Variants in COX7B2 observed in about 807,000 individuals in gnomAD.
The protein encoded by COX7B2 is cytochrome c oxidase subunit 7B2, also known as cytochrome c oxidase subunit 7B2, mitochondrial.
For synonymous variants in COX7B2, 37 were observed against 32.1 expected (o/e 1.15, Z -0.51); for missense variants, 109 against 95.9 (o/e 1.14, Z -0.57).
At chr4:46,802,377 T>C (rs1185898951) in intron 2 of COX7B2, among the ~76,000 whole-genome samples, 1 of 152,164 alleles carries the variant, frequency 6.6e-6, no homozygotes, top group Non-Finnish European at 1.5e-5. Context: ...TCTTTTGATA[T>C]GGCAAGAACT....
chr4:46,860,291 G>A (rs1304660035), intron 1 of COX7B2, among the ~76,000 whole-genome samples: 1 of 152,180 alleles, frequency 6.6e-6, no homozygotes, highest in Non-Finnish European at 1.5e-5. Flanking sequence ...CTGAAGAGCT[G>A]TAAAACCAGT....
Position 46,892,807 on chromosome 4 carries a change from C to T in COX7B2, c.-105+16353G>A, listed in dbSNP as rs182642661. On this transcript the variant is annotated intron_variant, in intron 1 of 2. Transcript: ENST00000355591. ...GGTTTCGCTGTGTCCCCACCCAAAT[C>T]TCATCTTGAGTTGTAGTTCCCATAA... is the stretch of plus-strand genomic sequence containing the variant. Among the ~76,000 whole-genome samples the T allele has an allele frequency of 1.7e-3, 263 of 152,300 alleles. 3 individuals are homozygous for T. Among genetic ancestry groups the T allele is most frequent in the African/African-American group, 6.1e-3 (253 of 41,560 alleles).
At chr4:46,737,636 T>A (rs1003375359) in intron 2 of COX7B2, among the ~76,000 whole-genome samples, 42 of 152,152 alleles carry the variant, frequency 2.8e-4, no homozygotes, top group African/African-American at 9.9e-4. Flanking sequence ...ATTATTTTAT[T>A]TCTTAGATAG....
chr4:46,814,243 G>T (rs953154114), intron 2 of COX7B2, among the ~76,000 whole-genome samples: 1 of 152,166 alleles, frequency 6.6e-6, no homozygotes, highest in Non-Finnish European at 1.5e-5. Context: ...GTTTGTCATT[G>T]AACACCAAAC....
intron 2 of COX7B2, among the ~76,000 whole-genome samples, chr4:46,762,472 A>G (rs1716243793): frequency 1.4e-5 from 2 of 139,704 alleles, no homozygotes; most frequent in African/African-American, 5.2e-5. Context: ...TATATGTACT[A>G]TATATACTAT....
chr4:46,837,282 C>A (rs1469452218), intron 2 of COX7B2, among the ~76,000 whole-genome samples: 1 of 143,940 alleles, frequency 6.9e-6, no homozygotes, highest in African/African-American at 2.7e-5. Flanking sequence ...CATACACACA[C>A]ACACACACAC....
At chr4:46,751,994 T>C (rs1715413016) in intron 2 of COX7B2, among the ~76,000 whole-genome samples, 1 of 152,182 alleles carries the variant, frequency 6.6e-6, no homozygotes, top group Non-Finnish European at 1.5e-5. Context: ...ATTGAATCTA[T>C]AAGTTACCTT....
intron 1 of COX7B2, among the ~76,000 whole-genome samples, chr4:46,874,993 T>C (rs142912804): frequency 1.9e-4 from 29 of 152,298 alleles, no homozygotes; most frequent in Non-Finnish European, 4.0e-4. Context: ...GTACTGCTTA[T>C]TAAAAATGCT....
intron 2 of COX7B2, among the ~76,000 whole-genome samples, chr4:46,790,495 C>A (rs374857180): frequency 6.6e-6 from 1 of 152,120 alleles, no homozygotes; most frequent in South Asian, 2.1e-4. Context: ...TATTGCTGGG[C>A]TTATCTTATT....
intron 2 of COX7B2, among the ~76,000 whole-genome samples, chr4:46,832,500 G>A (rs1378364775): frequency 6.6e-6 from 1 of 152,156 alleles, no homozygotes; most frequent in Non-Finnish European, 1.5e-5. Context: ...GCAAAAACCA[G>A]TTCCATAGGC....
At chr4:46,905,799 G>A (rs919481537) in intron 1 of COX7B2, among the ~76,000 whole-genome samples, 1 of 138,278 alleles carries the variant, frequency 7.2e-6, no homozygotes, top group African/African-American at 2.7e-5. Context: ...TACCATCTCT[G>A]ATAAGCATAT....
chr4:46,832,689 C>T (rs539684300), intron 2 of COX7B2, among the ~76,000 whole-genome samples: 30 of 152,106 alleles, frequency 2.0e-4, no homozygotes, highest in African/African-American at 6.3e-4. Context: ...TTAGTACCAT[C>T]CTCTTGATGA....
intron 1 of COX7B2, among the ~76,000 whole-genome samples, chr4:46,890,923 A>G (rs1004878413): frequency 3.9e-5 from 6 of 152,332 alleles, no homozygotes; most frequent in East Asian, 1.9e-4. Flanking sequence ...CATGTGTAAA[A>G]CATAACTAAA....
intron 1 of COX7B2, among the ~76,000 whole-genome samples, chr4:46,873,393 C>T (rs553042316): frequency 3.9e-5 from 6 of 152,218 alleles, no homozygotes; most frequent in Admixed American, 1.3e-4. Context: ...CTTGAGGAAT[C>T]GCCACACTGT....
intron 2 of COX7B2, among the ~76,000 whole-genome samples, chr4:46,773,984 T>C (rs1004257985): frequency 2.6e-5 from 4 of 152,142 alleles, no homozygotes; most frequent in African/African-American, 9.7e-5. Flanking sequence ...TAGGCTGACC[T>C]GAATATTTCC....
chr4:46,827,663 G>A (rs1287204506), intron 2 of COX7B2, among the ~76,000 whole-genome samples: 2 of 152,186 alleles, frequency 1.3e-5, no homozygotes, highest in Non-Finnish European at 2.9e-5. Flanking sequence ...AAGTTGAAAG[G>A]ACTGAAAAAA....
intron 2 of COX7B2, among the ~76,000 whole-genome samples, chr4:46,750,243 C>T (rs1368816323): frequency 6.8e-6 from 1 of 147,902 alleles, no homozygotes; most frequent in African/African-American, 2.5e-5. Flanking sequence ...CACACACACA[C>T]ATTATCCAGG....
At position 46,763,325 on chromosome 4, in the gene COX7B2, C is replaced by A. The variant is rs530855820; in HGVS notation, c.-49-28084G>T. 3.4e-5 allele frequency among the ~76,000 whole-genome samples: 5 copies of A among 149,146 alleles called. No individual in the cohort carries two copies. The East Asian group carries it at 9.7e-4, about 29-fold the overall frequency. ...TAATTTCATGTTCTTAGAGGGATAG[C>A]TATTGCTTCTTTTCTCATGTTTGTG... On this transcript the variant is annotated intron_variant, in intron 2 of 2. Transcript: ENST00000355591.
chr4:46,781,773 G>A (rs907197979), intron 2 of COX7B2, among the ~76,000 whole-genome samples: 1 of 152,214 alleles, frequency 6.6e-6, no homozygotes, highest in Non-Finnish European at 1.5e-5. Flanking sequence ...CACCCTTGGA[G>A]TGACCAGCTG....
Sources: gnomAD v4.1 joint callset for allele counts (sites outside exome capture counted in the v4.1 genomes callset) on GRCh38, gnomAD v4.1.1 for gene constraint, MANE v1.5 for transcripts, NCBI Gene and HGNC (gene_info 2026-07-23, HGNC 2026-07-21) for gene names.